Variants in STX17 observed in about 807,000 individuals in gnomAD.
STX17 encodes syntaxin-17.
Under a neutral mutation model 35.9 loss-of-function variants are expected in STX17, and 29 were observed. That is an observed-to-expected ratio of 0.81 (90% confidence interval 0.60 to 1.10). STX17 has a LOEUF of 1.10. STX17 is among the 50% of genes least tolerant of loss of function. The pLI is 0.00. For missense variants in STX17, 312 were observed against 352.3 expected, an observed-to-expected ratio of 0.89 and a Z score of 0.92; for synonymous variants, 92 against 118.3, an observed-to-expected ratio of 0.78 and a Z score of 1.44.
chr9:99,960,571 G>A (rs982720004), intron 6 of STX17, among the ~76,000 whole-genome samples: 1 of 152,114 alleles, frequency 6.6e-6, no homozygotes, highest in South Asian at 2.1e-4. Context: ...AGCCTCCTGA[G>A]TAGCTGGGAT....
At position 99,970,351 on chromosome 9, in the gene STX17, T is replaced by C. The variant is rs1468386432; in HGVS notation, c.*1678T>C. 6.6e-6 allele frequency: 1 copy of C among 152,232 alleles called. No homozygotes were observed. The highest frequency in any genetic ancestry group is 2.4e-5 in the African/African-American group (1 of 41,450). 9.4% of individuals were successfully genotyped at this position (152,232 alleles called of 1,614,324 possible). A position where few individuals can be genotyped will look rare whatever the true frequency, so the allele number is the denominator to read the frequency against. ...AACTAGAAAGTATCAAGTATTGCTC[T>C]CTGCTGCTTTATATCATTAACATAT... On this transcript the variant is annotated 3_prime_UTR_variant, in exon 8 of 8. Coordinates refer to ENST00000259400, the MANE Select transcript of STX17 (RefSeq NM_017919.3).
intron 3 of STX17, among the ~76,000 whole-genome samples, chr9:99,947,892 C>T (rs1289381033): frequency 6.6e-6 from 1 of 151,894 alleles, no homozygotes; most frequent in Non-Finnish European, 1.5e-5. Context: ...CATCTTTGCC[C>T]AATTCTTGTC....
chr9:99,916,130 A>G, intron 2 of STX17: 1 of 453,376 alleles, frequency 2.2e-6, no homozygotes, highest in South Asian at 1.6e-5. Context: ...AGGAAAGCTC[A>G]CAATTGAGAA....
intron 4 of STX17, among the ~76,000 whole-genome samples, chr9:99,959,130 G>C (rs558676387): frequency 1.3e-5 from 2 of 152,222 alleles, no homozygotes; most frequent in Admixed American, 1.3e-4. Flanking sequence ...ACGTCTCCTT[G>C]GAACATTGGC....
intron 1 of STX17, chr9:99,914,233 T>A (rs1828720472): frequency 6.6e-6 from 1 of 152,242 alleles, no homozygotes; most frequent in Non-Finnish European, 1.5e-5. Flanking sequence ...TAAAATTTTT[T>A]AAACATGGGT....
At chr9:99,915,043 AAAAC>A (rs903413365) in intron 1 of STX17, 131 bp from the exon 2 acceptor site, 4 of 427,140 alleles carry the variant, frequency 9.4e-6, no homozygotes, top group East Asian at 4.9e-5. Context: ...CATAAAGAAA[AAAAC>A]AAGTCACTCA....
intron 3 of STX17, among the ~76,000 whole-genome samples, chr9:99,939,802 T>G (rs1346206794): frequency 6.6e-6 from 1 of 152,206 alleles, no homozygotes; most frequent in Non-Finnish European, 1.5e-5. Flanking sequence ...TTTGAATATT[T>G]CCCCTTAATA....
At chr9:99,912,556 T>C (rs1002839270) in intron 1 of STX17, among the ~76,000 whole-genome samples, 1 of 152,212 alleles carries the variant, frequency 6.6e-6, no homozygotes, top group Non-Finnish European at 1.5e-5. Flanking sequence ...ATTTTCTCCC[T>C]TTATACAGGT....
At chr9:99,936,550 C>T (rs1018672455) in intron 3 of STX17, among the ~76,000 whole-genome samples, 4 of 151,866 alleles carry the variant, frequency 2.6e-5, no homozygotes. Context: ...TTTTTTCCTT[C>T]TTTCATGAAT....
At chr9:99,960,988 T>G (rs996375071) in intron 6 of STX17, among the ~76,000 whole-genome samples, 1 of 152,130 alleles carries the variant, frequency 6.6e-6, no homozygotes, top group African/African-American at 2.4e-5. Context: ...GGGGAAGTTA[T>G]GGAGTATATT....
At position 99,940,322 on chromosome 9, in the gene STX17, G is replaced by A. The variant is rs534234766; in HGVS notation, c.190-10738G>A. Among the ~76,000 whole-genome samples the A allele has an allele frequency of 2.1e-3, 312 of 151,604 alleles. 1 individual carries two copies. The highest frequency in any genetic ancestry group is 7.2e-3 in the African/African-American group (297 of 41,306). On this transcript the variant is annotated intron_variant, in intron 3 of 7. Coordinates refer to ENST00000259400, the MANE Select transcript of STX17 (RefSeq NM_017919.3). ...ATTTTTGTATTTTTAATAAAGATGG[G>A]GTTTTACCACGTTGGCCAGGCTGGT...
intron 1 of STX17, among the ~76,000 whole-genome samples, chr9:99,910,073 A>G (rs1156985762): frequency 6.6e-6 from 1 of 152,058 alleles, no homozygotes; most frequent in Non-Finnish European, 1.5e-5. Context: ...TCTCTACTAA[A>G]AATACAAAAA....
chr9:99,950,874 T>C (rs1045566877), intron 3 of STX17, among the ~76,000 whole-genome samples, 186 bp from the exon 4 acceptor site: 1 of 152,026 alleles, frequency 6.6e-6, no homozygotes, highest in South Asian at 2.1e-4. Flanking sequence ...AGTATGAGCA[T>C]GTGGGTTCCA....
intron 1 of STX17, among the ~76,000 whole-genome samples, chr9:99,911,286 A>G (rs1384114881): frequency 6.6e-6 from 1 of 151,450 alleles, no homozygotes; most frequent in African/African-American, 2.4e-5. Context: ...GCCCGCCTCC[A>G]CCTCCCAAAG....
chr9:99,933,303 CCA>C (rs1260564623), intron 3 of STX17, among the ~76,000 whole-genome samples: 2 of 152,118 alleles, frequency 1.3e-5, no homozygotes, highest in Non-Finnish European at 2.9e-5. Context: ...GCACCAAATT[CCA>C]CACACTGTCT....
At chr9:99,917,704 A>G (rs1828803132) in intron 2 of STX17, among the ~76,000 whole-genome samples, 1 of 152,212 alleles carries the variant, frequency 6.6e-6, no homozygotes, top group South Asian at 2.1e-4. Context: ...CTAATGTAAG[A>G]TAGACTTAAG....
At chr9:99,934,477 T>G (rs778676752) in intron 3 of STX17, among the ~76,000 whole-genome samples, 8 of 152,192 alleles carry the variant, frequency 5.3e-5, no homozygotes. Flanking sequence ...CTGGTGACTT[T>G]TGATGTTGAA....
chr9:99,937,730 G>A (rs1829265394), intron 3 of STX17, among the ~76,000 whole-genome samples: 1 of 152,066 alleles, frequency 6.6e-6, no homozygotes, highest in Non-Finnish European at 1.5e-5. Flanking sequence ...TCAGTTCAGT[G>A]ATTATTTTCT....
intron 2 of STX17, among the ~76,000 whole-genome samples, chr9:99,921,373 T>C (rs1251972459): frequency 2.6e-5 from 4 of 152,158 alleles, no homozygotes; most frequent in Non-Finnish European, 5.9e-5. Context: ...CTATTTCTTA[T>C]ACTGGTGCAA....
Sources: gnomAD v4.1 joint callset for allele counts (sites outside exome capture counted in the v4.1 genomes callset) on GRCh38, gnomAD v4.1.1 for gene constraint, MANE v1.5 for transcripts, NCBI Gene and HGNC (gene_info 2026-07-23, HGNC 2026-07-21) for gene names.